Variants in RUFY4 observed in about 807,000 individuals in gnomAD.
The protein encoded by RUFY4 is RUN and FYVE domain containing 4.
A neutral mutation model predicts 69.0 loss-of-function variants in RUFY4; 73 were observed. That is an observed-to-expected ratio of 1.06 (90% CI 0.88 to 1.29). The LOEUF is 1.29. RUFY4 is among the 50% of genes most tolerant of loss of function. The pLI is 0.00. For missense variants in RUFY4, 770 were observed against 705.6 expected, an observed-to-expected ratio of 1.09 and a Z score of -1.03; for synonymous variants, 287 against 271.8, an observed-to-expected ratio of 1.06 and a Z score of -0.55.
chr2:218,058,562 T>G (rs1433612655), intron 2 of RUFY4: 1 of 152,202 alleles, frequency 6.6e-6, no homozygotes, highest in Non-Finnish European at 1.5e-5. Context: ...TAGAATTGTG[T>G]TTCCCCAAAT....
rs181759264 is a variant in RUFY4, at chr2:218,078,937, G to A, written c.1355+2404G>A. On this transcript the variant is annotated intron_variant, in intron 8 of 10. Coordinates refer to ENST00000344321, the Ensembl canonical transcript of RUFY4. ...GGCTGGAGTGCAGTGGCGACATCTCGGCTCACCGCAACCTCCGCCTCCTGG... is the reference window on the plus strand; with the variant it reads ...GGCTGGAGTGCAGTGGCGACATCTCAGCTCACCGCAACCTCCGCCTCCTGG... Among the ~76,000 whole-genome samples the A allele has an allele frequency of 5.5e-4, 84 of 152,208 alleles. 2 individuals are homozygous for A. The South Asian group carries it at 7.7e-3, about 14-fold the overall frequency.
upstream of RUFY4, among the ~76,000 whole-genome samples, chr2:218,066,172 CTTTTCTTTTT>C (rs1689322871): frequency 9.1e-6 from 1 of 109,598 alleles, no homozygotes; most frequent in African/African-American, 3.8e-5. Flanking sequence ...GTCATCTTTT[CTTTTCTTTTT>C]TTTTTTTTTT....
upstream of RUFY4, among the ~76,000 whole-genome samples, chr2:218,065,154 C>T (rs1366757217): frequency 1.3e-5 from 2 of 152,224 alleles, no homozygotes; most frequent in African/African-American, 4.8e-5. Context: ...CCCACCCACA[C>T]CCAAGCCATC....
At chr2:218,064,788 C>T (rs1689285015), upstream of RUFY4, among the ~76,000 whole-genome samples, 1 of 152,006 alleles carries the variant, frequency 6.6e-6, no homozygotes, top group South Asian at 2.1e-4. Context: ...GTTTCCAGGT[C>T]CCCCTCCTAT....
intron 2 of RUFY4, among the ~76,000 whole-genome samples, chr2:218,071,284 A>AC (rs895181663): frequency 2.0e-5 from 3 of 151,278 alleles, no homozygotes; most frequent in Admixed American, 1.3e-4. Context: ...CTTGATGTCC[A>AC]CCCCCCAACA....
intron 2 of RUFY4, among the ~76,000 whole-genome samples, chr2:218,053,555 G>A (rs558610177): frequency 1.3e-5 from 2 of 152,004 alleles, no homozygotes; most frequent in African/African-American, 4.8e-5. Flanking sequence ...TGTCGCCCAG[G>A]CTGGAGTGCA....
At chr2:218,060,612 G>C (rs1360636161) in intron 3 of RUFY4, 1 of 1,348,660 alleles carries the variant, frequency 7.4e-7, no homozygotes, top group Non-Finnish European at 1.1e-6. Flanking sequence ...CTGCCAGCAG[G>C]ACCAGGTTGT....
At chr2:218,070,212 C>A, upstream of RUFY4, 1 of 276,762 alleles carries the variant, frequency 3.6e-6, no homozygotes, top group Non-Finnish European at 7.2e-6. Context: ...TGGGCACAGA[C>A]ACCTGAGTTC....
At chr2:218,081,039 G>A (rs1483437052) in intron 8 of RUFY4, among the ~76,000 whole-genome samples, 10 of 152,170 alleles carry the variant, frequency 6.6e-5, no homozygotes, top group Non-Finnish European at 1.3e-4. Flanking sequence ...ACCAAGCTCA[G>A]GCCTGGCATA....
intron 2 of RUFY4, among the ~76,000 whole-genome samples, chr2:218,051,509 T>C (rs1205699093): frequency 6.4e-5 from 9 of 141,270 alleles, no homozygotes; most frequent in Non-Finnish European, 1.1e-4. Flanking sequence ...GTTTCCATAA[T>C]AATGGGAAAA....
intron 3 of RUFY4, chr2:218,059,763 G>A (rs1689140789): frequency 6.0e-6 from 1 of 166,568 alleles, no homozygotes; most frequent in Non-Finnish European, 1.5e-5. Context: ...TGGGTCTTAT[G>A]AATAAGCAGC....
chr2:218,048,845 C>T (rs183307238), intron 2 of RUFY4, among the ~76,000 whole-genome samples: 177 of 152,216 alleles, frequency 1.2e-3, no homozygotes, highest in African/African-American at 3.4e-3. Context: ...TAATATAAAA[C>T]GCCTCTGGAT....
At chr2:218,068,398 G>C (rs1479754924), upstream of RUFY4, among the ~76,000 whole-genome samples, 2 of 152,066 alleles carry the variant, frequency 1.3e-5, no homozygotes, top group Non-Finnish European at 2.9e-5. Context: ...GAAGGAATGA[G>C]GGAAAGACAG....
chr2:218,071,308 C>G (rs1240241583), intron 2 of RUFY4, among the ~76,000 whole-genome samples: 2 of 152,154 alleles, frequency 1.3e-5, no homozygotes, highest in Admixed American at 6.5e-5. Flanking sequence ...CGACACACAT[C>G]TTCCTGCTTC....
chr2:218,089,394 G>A, intron 10 of RUFY4, 32 bp downstream of exon 12: 2 of 1,584,634 alleles, frequency 1.3e-6, no homozygotes, highest in Non-Finnish European at 8.6e-7. Flanking sequence ...CCTCCCTCTG[G>A]GACAGCCCAG....
intron 8 of RUFY4, among the ~76,000 whole-genome samples, chr2:218,081,113 C>A (rs1391270848): frequency 3.9e-5 from 6 of 152,176 alleles, no homozygotes; most frequent in African/African-American, 1.4e-4. Context: ...CTAGGAGTAT[C>A]CATCACCCCC....
intron 2 of RUFY4, among the ~76,000 whole-genome samples, chr2:218,036,487 G>A (rs1958980825): frequency 6.6e-6 from 1 of 152,180 alleles, no homozygotes; most frequent in South Asian, 2.1e-4. Flanking sequence ...CTCTATAAAA[G>A]GGACCACAGT....
exon 8 of RUFY4, chr2:218,076,529 A>G (rs768002525): frequency 6.5e-7 from 1 of 1,550,294 alleles, no homozygotes; most frequent in East Asian, 2.5e-5. Flanking sequence ...GGAGCAGCTC[A>G]GCAGGTAACC....
chr2:218,080,041 C>T (rs1037546436), intron 8 of RUFY4, among the ~76,000 whole-genome samples: 13 of 152,178 alleles, frequency 8.5e-5, no homozygotes, highest in Admixed American at 2.6e-4. Context: ...AAGACTGGAC[C>T]ATGCAAATAT....
Sources: allele counts gnomAD v4.1 joint callset (sites outside exome capture counted in the v4.1 genomes callset), GRCh38; gene constraint gnomAD v4.1.1; transcripts MANE v1.5; gene names NCBI Gene and HGNC (gene_info 2026-07-23, HGNC 2026-07-21).